GSK3B: variants seen among roughly 807,000 people sequenced by gnomAD.
GSK3B encodes the protein glycogen synthase kinase-3 beta.
In GSK3B, 15 loss-of-function variants were observed where a neutral mutation model predicts 56.4. The ratio of observed to expected loss-of-function variants is 0.27; its 90% confidence interval spans 0.18 to 0.41. The LOEUF (loss-of-function observed/expected upper bound fraction) is 0.41, where lower values mean the gene tolerates loss of function less well. Among genes scored for constraint, GSK3B ranks in the 10% least tolerant of loss-of-function variants. The pLI is 1.00. For missense variants in GSK3B, 300 were observed against 513.4 expected (o/e 0.58, Z 4.02); for synonymous variants, 181 against 188.9 (o/e 0.96, Z 0.34).
intron 1 of GSK3B, among the ~76,000 whole-genome samples, chr3:120,063,001 T>C (rs2058250745): frequency 6.6e-6 from 1 of 152,194 alleles, no homozygotes; most frequent in Admixed American, 6.5e-5. Flanking sequence ...CCCAAAATCA[T>C]TTTGTAAAAT....
chr3:119,946,010 T>A (rs1337760750), intron 3 of GSK3B, among the ~76,000 whole-genome samples: 2 of 151,708 alleles, frequency 1.3e-5, no homozygotes, highest in Non-Finnish European at 2.9e-5. Flanking sequence ...TAACAGGCCA[T>A]TTGGTAGGTT....
At chr3:119,993,737 A>G (rs1208476398) in intron 2 of GSK3B, among the ~76,000 whole-genome samples, 1 of 152,214 alleles carries the variant, frequency 6.6e-6, no homozygotes, top group African/African-American at 2.4e-5. Flanking sequence ...TCTGCAATTA[A>G]AAGTATTAAT....
chr3:120,071,702 A>T (rs1367858053), intron 1 of GSK3B, among the ~76,000 whole-genome samples: 1 of 152,210 alleles, frequency 6.6e-6, no homozygotes, highest in Admixed American at 6.5e-5. Flanking sequence ...GATGAGTTGT[A>T]TAACTATTTC....
At chr3:119,867,487 C>G (rs1055476087) in intron 8 of GSK3B, among the ~76,000 whole-genome samples, 1 of 152,186 alleles carries the variant, frequency 6.6e-6, no homozygotes, top group South Asian at 2.1e-4. Flanking sequence ...CCTACATCTT[C>G]CAGCACTACA....
At chr3:120,070,797 T>C (rs936227216) in intron 1 of GSK3B, among the ~76,000 whole-genome samples, 1 of 152,254 alleles carries the variant, frequency 6.6e-6, no homozygotes, top group Admixed American at 6.5e-5. Context: ...TAAAGTCTAA[T>C]AGACAGCAGT....
chr3:119,887,429 A>G (rs111938956), intron 7 of GSK3B, among the ~76,000 whole-genome samples: 3,932 of 152,252 alleles, frequency 0.026, 169 homozygotes, highest in African/African-American at 0.088. Context: ...AATAGCTATT[A>G]TAACAAGGAG....
chr3:119,881,587 A>T (rs938623432), intron 7 of GSK3B, among the ~76,000 whole-genome samples: 1 of 152,226 alleles, frequency 6.6e-6, no homozygotes, highest in South Asian at 2.1e-4. Context: ...CTAACATAAG[A>T]CACAGTACTA....
intron 7 of GSK3B, among the ~76,000 whole-genome samples, chr3:119,900,078 A>T (rs139015021): frequency 1.1e-4 from 17 of 152,282 alleles, no homozygotes; most frequent in Admixed American, 1.0e-3. Context: ...AGAGAAAACT[A>T]AACAGTAGTT....
At chr3:120,010,556 A>C (rs1379882754) in intron 1 of GSK3B, among the ~76,000 whole-genome samples, 1 of 152,218 alleles carries the variant, frequency 6.6e-6, no homozygotes, top group African/African-American at 2.4e-5. Flanking sequence ...ACACCAAAAA[A>C]AGATTTCGAG....
At chr3:120,066,623 C>CG (rs2107558886) in intron 1 of GSK3B, among the ~76,000 whole-genome samples, 1 of 152,160 alleles carries the variant, frequency 6.6e-6, no homozygotes, top group East Asian at 1.9e-4. Flanking sequence ...ATTCCAGCTA[C>CG]AAATACAAAA....
intron 9 of GSK3B, among the ~76,000 whole-genome samples, chr3:119,846,666 C>A (rs927106014): frequency 2.6e-5 from 4 of 152,084 alleles, no homozygotes; most frequent in Non-Finnish European, 5.9e-5. Context: ...TGTGGAGAAA[C>A]AAGAATGCTT....
chr3:119,898,169 A>G (rs2056588975), intron 7 of GSK3B, among the ~76,000 whole-genome samples: 1 of 152,198 alleles, frequency 6.6e-6, no homozygotes, highest in Non-Finnish European at 1.5e-5. Context: ...AGACTATTTC[A>G]TGATAAAGTG....
intron 2 of GSK3B, among the ~76,000 whole-genome samples, chr3:119,955,889 G>C (rs970283778): frequency 6.6e-6 from 1 of 152,108 alleles, no homozygotes; most frequent in South Asian, 2.1e-4. Flanking sequence ...CTGACCTCTG[G>C]TGATCCGCCT....
chr3:120,093,745 AT>A lies in GSK3B; in HGVS notation c.-312del. 1 of 302,886 alleles carries A rather than the reference AT, an allele frequency of 3.3e-6. No individual in the cohort carries two copies. The highest frequency in any genetic ancestry group is 6.1e-6 in the Non-Finnish European group (1 of 163,360). 18.8% of individuals were successfully genotyped at this position (302,886 alleles called of 1,614,324 possible). On this transcript the variant is annotated 5_prime_UTR_variant, in exon 1 of 11. Coordinates refer to ENST00000264235, the MANE Select transcript of GSK3B (RefSeq NM_001146156.2). Reference sequence around the variant, plus strand: ...AAAAGAGAGGGCAAATCCTAAAAAAATATGTATCACGTGAAACGGGGGCAAA... The same window carrying A: ...AAAAGAGAGGGCAAATCCTAAAAAAAATGTATCACGTGAAACGGGGGCAAA...
intron 1 of GSK3B, among the ~76,000 whole-genome samples, chr3:120,073,965 C>A (rs951197315): frequency 5.9e-5 from 9 of 152,018 alleles, no homozygotes; most frequent in Non-Finnish European, 1.2e-4. Context: ...CCAAAATACA[C>A]AAAATGAGAA....
At chr3:120,046,918 T>C (rs1251846674) in intron 1 of GSK3B, among the ~76,000 whole-genome samples, 1 of 152,128 alleles carries the variant, frequency 6.6e-6, no homozygotes, top group Non-Finnish European at 1.5e-5. Flanking sequence ...GCCTAAACTT[T>C]TAATTTTAGA....
intron 1 of GSK3B, among the ~76,000 whole-genome samples, chr3:120,087,103 C>T (rs1426197954): frequency 2.0e-5 from 3 of 152,230 alleles, no homozygotes; most frequent in Non-Finnish European, 4.4e-5. Context: ...CTCCATTTGT[C>T]TGCAGATATT....
intron 2 of GSK3B, among the ~76,000 whole-genome samples, chr3:119,951,401 G>T (rs556416647): frequency 9.9e-5 from 15 of 152,162 alleles, no homozygotes; most frequent in Admixed American, 9.2e-4. Context: ...GTGAAACCCA[G>T]TCTCTACTAA....
rs72546688 is a variant in GSK3B at position 120,093,712 on chromosome 3, G to C, written c.-278C>G. On this transcript the variant is annotated 5_prime_UTR_variant, in exon 1 of 11. Transcript: ENST00000264235. ...CAATTCTTTCCCCTCCCTTTCCTGG[G>C]AGGAGAGAAAAGAGAGGGCAAATCC... The C allele has an allele frequency of 2.6e-3, 881 of 340,800 alleles. 13 individuals carry two copies. In the East Asian group the frequency reaches 0.026, roughly 10 times the overall value. The allele number at this position is 340,800 out of a possible 1,614,324, so 21.1% of individuals were successfully genotyped here.
Sources: gnomAD v4.1 joint callset for allele counts (sites outside exome capture counted in the v4.1 genomes callset) on GRCh38, gnomAD v4.1.1 for gene constraint, MANE v1.5 for transcripts, NCBI Gene and HGNC (gene_info 2026-07-23, HGNC 2026-07-21) for gene names.